Variants in SLC8A1 observed in about 807,000 individuals in gnomAD.
The protein encoded by SLC8A1 is solute carrier family 8 member A1.
In SLC8A1, 18 loss-of-function variants were observed where a neutral mutation model predicts 68.3. The ratio of observed to expected loss-of-function variants is 0.26; its 90% CI spans 0.18 to 0.39. The LOEUF (loss-of-function observed/expected upper bound fraction) is 0.39, where lower values mean the gene tolerates loss of function less well. Ranked by LOEUF, SLC8A1 falls within the 10% of genes least tolerant of loss-of-function variation. The pLI, the probability that SLC8A1 is intolerant of heterozygous loss-of-function variation, is 1.00. For synonymous variants in SLC8A1, 475 were observed against 415.5 expected, an observed-to-expected ratio of 1.14 and a Z score of -1.74; for missense variants, 985 against 1,156.7, an observed-to-expected ratio of 0.85 and a Z score of 2.15.
intron 2 of SLC8A1, among the ~76,000 whole-genome samples, chr2:40,253,325 T>TATGTGTATATATATACACACACAC (rs1558970933): frequency 9.3e-5 from 14 of 151,172 alleles, no homozygotes; most frequent in Admixed American, 6.6e-4. Context: ...TACACACACA[T>TATGTGTATATATATACACACACAC]ATATGTGTAT....
At chr2:40,190,986 A>G (rs1336527155) in intron 2 of SLC8A1, among the ~76,000 whole-genome samples, 1 of 118,908 alleles carries the variant, frequency 8.4e-6, no homozygotes, top group Non-Finnish European at 1.8e-5. Flanking sequence ...CTTTTAAAGG[A>G]ATATTCATTT....
In SLC8A1 at chr2:40,122,206, G is replaced by GCGCA. The variant is rs1553339125; in HGVS notation, c.2438-6578_2438-6577insTGCG. 1.1e-3 allele frequency among the ~76,000 whole-genome samples: 132 copies of GCGCA among 124,572 alleles called. 1 individual carries two copies. The highest frequency in any genetic ancestry group is 2.6e-3 in the African/African-American group (98 of 38,148). The allele number at this position is 124,572 out of a possible 152,430, so 81.7% of individuals were successfully genotyped here. A position where few individuals can be genotyped will look rare whatever the true frequency, so the allele number is the denominator to read the frequency against. On this transcript the variant is annotated intron_variant, in intron 7 of 7. Coordinates refer to ENST00000406785, the Ensembl canonical transcript of SLC8A1. ...CTCTCTCACAAGTGCATGCGCGCGC[G>GCGCA]CACACACACACACACACACGTGTGC...
At chr2:40,330,883 T>G (rs74492003) in intron 2 of SLC8A1, among the ~76,000 whole-genome samples, 4,198 of 152,326 alleles carry the variant, frequency 0.028, 215 homozygotes, top group African/African-American at 0.096. Flanking sequence ...AACTTGCTTG[T>G]AACTACAGAT....
At chr2:40,415,857 T>TATAC (rs1163593439) in intron 2 of SLC8A1, among the ~76,000 whole-genome samples, 6 of 101,748 alleles carry the variant, frequency 5.9e-5, no homozygotes, top group African/African-American at 2.1e-4. Context: ...CTACTAAAAG[T>TATAC]ATACACACAC....
chr2:40,239,149 A>C (rs2060860960), intron 2 of SLC8A1, among the ~76,000 whole-genome samples: 2 of 152,214 alleles, frequency 1.3e-5, no homozygotes, highest in African/African-American at 4.8e-5. Context: ...TTCACCTAAA[A>C]AGGAAACAAC....
chr2:40,197,456 A>T (rs2053264786), intron 2 of SLC8A1, among the ~76,000 whole-genome samples: 1 of 152,004 alleles, frequency 6.6e-6, no homozygotes, highest in Non-Finnish European at 1.5e-5. Flanking sequence ...CTGAGCAATT[A>T]ATTAGTCCCT....
intron 2 of SLC8A1, among the ~76,000 whole-genome samples, chr2:40,403,540 T>A (rs1390785149): frequency 6.6e-6 from 1 of 152,178 alleles, no homozygotes; most frequent in Non-Finnish European, 1.5e-5. Context: ...CAGGAGTAAA[T>A]TCAGTAGAAC....
At position 40,390,222 on chromosome 2, in the gene SLC8A1, C is replaced by T. The variant is rs530581571; in HGVS notation, c.1808+38251G>A. On this transcript the variant is annotated intron_variant, in intron 2 of 7. Coordinates refer to ENST00000406785, the Ensembl canonical transcript of SLC8A1. ...AGTGACAGATTCACCTATCGTTTCCCGTACTCTTCACCGACATTCCTTAAG... is the reference window on the plus strand; with the variant it reads ...AGTGACAGATTCACCTATCGTTTCCTGTACTCTTCACCGACATTCCTTAAG... Among the ~76,000 whole-genome samples the T allele has an allele frequency of 3.9e-5, 6 of 152,186 alleles. No homozygotes were observed. In the South Asian group the frequency reaches 1.0e-3, roughly 26 times the overall value.
At chr2:40,486,354 A>G (rs1190021897) in intron 1 of SLC8A1, among the ~76,000 whole-genome samples, 1 of 152,218 alleles carries the variant, frequency 6.6e-6, no homozygotes, top group Non-Finnish European at 1.5e-5. Context: ...AAAAGAAATA[A>G]TATGCTGTGA....
intron 6 of SLC8A1, among the ~76,000 whole-genome samples, chr2:40,147,021 G>T (rs931523458): frequency 6.6e-6 from 1 of 152,182 alleles, no homozygotes; most frequent in East Asian, 1.9e-4. Flanking sequence ...AAAACAGAAT[G>T]CTTACAAGCT....
intron 2 of SLC8A1, among the ~76,000 whole-genome samples, chr2:40,371,558 G>A (rs987012123): frequency 5.3e-5 from 8 of 152,086 alleles, no homozygotes; most frequent in Non-Finnish European, 1.2e-4. Flanking sequence ...TGTGAGGACC[G>A]AATAGGCTAA....
chr2:40,237,086 G>C (rs993227193), intron 2 of SLC8A1, among the ~76,000 whole-genome samples: 1 of 151,628 alleles, frequency 6.6e-6, no homozygotes, highest in Non-Finnish European at 1.5e-5. Flanking sequence ...ATGTGTCTTG[G>C]AGTTGCTCTT....
intron 2 of SLC8A1, among the ~76,000 whole-genome samples, chr2:40,403,873 C>T (rs916533933): frequency 6.6e-6 from 1 of 152,196 alleles, no homozygotes; most frequent in Non-Finnish European, 1.5e-5. Flanking sequence ...AAACTCCTGA[C>T]AGTGCCATAT....
intron 7 of SLC8A1, among the ~76,000 whole-genome samples, chr2:40,133,399 G>A (rs975157247): frequency 2.0e-5 from 3 of 151,436 alleles, no homozygotes; most frequent in African/African-American, 7.3e-5. Context: ...ATTGGGGGGG[G>A]GGGGGGTGGA....
chr2:40,493,829 C>A (rs1210140553), intron 1 of SLC8A1, among the ~76,000 whole-genome samples: 3 of 151,812 alleles, frequency 2.0e-5, no homozygotes, highest in Non-Finnish European at 4.4e-5. Context: ...TATTGACAAC[C>A]AGTCAGTAGC....
intron 2 of SLC8A1, among the ~76,000 whole-genome samples, chr2:40,388,954 T>C (rs572533002): frequency 2.0e-5 from 3 of 152,140 alleles, no homozygotes; most frequent in African/African-American, 7.2e-5. Context: ...GATAACATAA[T>C]GAAGCTAAAG....
intron 6 of SLC8A1, among the ~76,000 whole-genome samples, chr2:40,151,153 T>C (rs780457208): frequency 1.6e-4 from 24 of 152,170 alleles, no homozygotes; most frequent in Non-Finnish European, 2.9e-4. Context: ...CAGATAAATA[T>C]ATCTTATGTG....
At chr2:40,400,080 C>T (rs1688242789) in intron 2 of SLC8A1, among the ~76,000 whole-genome samples, 1 of 152,174 alleles carries the variant, frequency 6.6e-6, no homozygotes, top group South Asian at 2.1e-4. Flanking sequence ...GCTGCTTGCT[C>T]AATCGATCAC....
At chr2:40,300,234 T>C (rs567951599) in intron 2 of SLC8A1, among the ~76,000 whole-genome samples, 1 of 152,310 alleles carries the variant, frequency 6.6e-6, no homozygotes, top group African/African-American at 2.4e-5. Flanking sequence ...ACTAAGTATA[T>C]GTTAAGTACA....
Sources: gnomAD v4.1 joint callset for allele counts (sites outside exome capture counted in the v4.1 genomes callset) on GRCh38, gnomAD v4.1.1 for gene constraint, MANE v1.5 for transcripts, NCBI Gene and HGNC (gene_info 2026-07-23, HGNC 2026-07-21) for gene names.